TRPM3: variants seen among roughly 807,000 people sequenced by gnomAD.
TRPM3 encodes the protein transient receptor potential cation channel subfamily M member 3.
TRPM3 carries 77 observed loss-of-function variants against 181.2 expected under a neutral mutation model. That is an observed-to-expected ratio of 0.42 (90% CI 0.35 to 0.51). The LOEUF (loss-of-function observed/expected upper bound fraction) is 0.51, where lower values mean the gene tolerates loss of function less well. TRPM3 is among the 20% of genes least tolerant of loss of function. The pLI, the probability that TRPM3 is intolerant of heterozygous loss-of-function variation, is 0.01. For missense variants in TRPM3, 1,759 were observed against 2,196.7 expected (o/e 0.80, Z 3.98); for synonymous variants, 745 against 796.4 (o/e 0.94, Z 1.09).
chr9:71,438,844 T>C (rs1220703904), intron 1 of TRPM3, among the ~76,000 whole-genome samples: 1 of 152,220 alleles, frequency 6.6e-6, no homozygotes, highest in Non-Finnish European at 1.5e-5. Flanking sequence ...AAAGCTGGGT[T>C]ACAGGTTTAT....
At chr9:71,315,687 G>T (rs888112963) in intron 1 of TRPM3, among the ~76,000 whole-genome samples, 1 of 151,936 alleles carries the variant, frequency 6.6e-6, no homozygotes, top group Non-Finnish European at 1.5e-5. Flanking sequence ...AGAAATTAAG[G>T]TATTTAACTA....
In TRPM3 at chr9:71,039,403, A is replaced by C. The variant is rs534858658; in HGVS notation, c.177+81775T>G. 2.0e-5 allele frequency among the ~76,000 whole-genome samples: 3 copies of C among 152,360 alleles called. No individual in the cohort carries two copies. In the South Asian group the frequency reaches 6.2e-4, roughly 32 times the overall value. On this transcript the variant is annotated intron_variant, in intron 1 of 25. Transcript: ENST00000677713. ...CAGGTTAAAAGGTCTATGACATTTA[A>C]GTTTTAAGTCATAGTATCAGTAGAT...
At chr9:70,960,530 T>C (rs570866324) in intron 1 of TRPM3, among the ~76,000 whole-genome samples, 2 of 152,268 alleles carry the variant, frequency 1.3e-5, no homozygotes, top group South Asian at 2.1e-4. Context: ...TTTTGAAGCA[T>C]GATGATAATT....
intron 1 of TRPM3, among the ~76,000 whole-genome samples, chr9:71,338,541 T>G (rs181263846): frequency 2.8e-4 from 42 of 152,182 alleles, no homozygotes; most frequent in African/African-American, 8.4e-4. Flanking sequence ...ATGATCAATG[T>G]TAAACTACAG....
chr9:71,253,814 A>G (rs944129308), intron 1 of TRPM3, among the ~76,000 whole-genome samples: 13 of 152,200 alleles, frequency 8.5e-5, no homozygotes, highest in Non-Finnish European at 1.8e-4. Flanking sequence ...GTGTCTATCA[A>G]TGGATGAATT....
chr9:71,107,880 A>G (rs527443142), intron 1 of TRPM3, among the ~76,000 whole-genome samples: 1 of 152,304 alleles, frequency 6.6e-6, no homozygotes, highest in Non-Finnish European at 1.5e-5. Flanking sequence ...ATTACTTCCA[A>G]ACAATGTGCT....
intron 1 of TRPM3, among the ~76,000 whole-genome samples, chr9:71,195,477 TAAGGA>T (rs1359904928): frequency 2.6e-5 from 4 of 151,960 alleles, no homozygotes; most frequent in Non-Finnish European, 4.4e-5. Context: ...CCAGTGAGGT[TAAGGA>T]AAGGAAACAC....
At chr9:70,997,338 G>A (rs1199457404) in intron 1 of TRPM3, among the ~76,000 whole-genome samples, 4 of 152,130 alleles carry the variant, frequency 2.6e-5, no homozygotes, top group East Asian at 3.9e-4. Context: ...TGGGACTACA[G>A]GCTCCCGCCA....
At chr9:70,938,370 G>A (rs893655875) in intron 1 of TRPM3, among the ~76,000 whole-genome samples, 1 of 152,050 alleles carries the variant, frequency 6.6e-6, no homozygotes, top group Non-Finnish European at 1.5e-5. Flanking sequence ...GATAACTTGT[G>A]GTCATCATCT....
At chr9:71,245,527 T>C (rs1319029983) in intron 1 of TRPM3, among the ~76,000 whole-genome samples, 1 of 152,112 alleles carries the variant, frequency 6.6e-6, no homozygotes, top group Non-Finnish European at 1.5e-5. Flanking sequence ...ATGAATGCTC[T>C]TGAAGCAAGG....
chr9:70,907,727 C>A (rs1415504869), intron 1 of TRPM3, among the ~76,000 whole-genome samples: 1 of 152,166 alleles, frequency 6.6e-6, no homozygotes, highest in East Asian at 1.9e-4. Flanking sequence ...TTTCAGGATC[C>A]TCAGTGTCCA....
intron 1 of TRPM3, among the ~76,000 whole-genome samples, chr9:71,013,313 A>G (rs2097760248): frequency 6.6e-6 from 1 of 152,092 alleles, no homozygotes; most frequent in Non-Finnish European, 1.5e-5. Flanking sequence ...TAGTCATAAG[A>G]TGTTTTATGA....
chr9:70,942,314 T>C (rs2096893814), intron 1 of TRPM3, among the ~76,000 whole-genome samples: 1 of 152,202 alleles, frequency 6.6e-6, no homozygotes, highest in South Asian at 2.1e-4. Context: ...AATTAATCTT[T>C]CAGGTGCAGC....
intron 1 of TRPM3, among the ~76,000 whole-genome samples, chr9:71,196,446 T>C (rs1382024698): frequency 6.6e-6 from 1 of 151,990 alleles, no homozygotes; most frequent in Non-Finnish European, 1.5e-5. Flanking sequence ...CTCTGGTCCC[T>C]GTCCATGTGC....
intron 1 of TRPM3, among the ~76,000 whole-genome samples, chr9:70,894,514 T>G (rs1354582555): frequency 6.6e-6 from 1 of 152,198 alleles, no homozygotes; most frequent in Non-Finnish European, 1.5e-5. Context: ...GATATTTCTA[T>G]TAAACACATG....
At chr9:71,385,762 T>TG (rs1449079924) in intron 1 of TRPM3, among the ~76,000 whole-genome samples, 1 of 152,176 alleles carries the variant, frequency 6.6e-6, no homozygotes, top group Non-Finnish European at 1.5e-5. Flanking sequence ...TGGAATGCAG[T>TG]GGCACAACCT....
At chr9:70,962,556 CT>C (rs1226118425) in intron 1 of TRPM3, among the ~76,000 whole-genome samples, 1 of 152,112 alleles carries the variant, frequency 6.6e-6, no homozygotes, top group East Asian at 1.9e-4. Flanking sequence ...TAGTTTCCCC[CT>C]ATCCATGAAA....
chr9:71,210,873 T>G (rs542682090), intron 1 of TRPM3, among the ~76,000 whole-genome samples: 1 of 152,338 alleles, frequency 6.6e-6, no homozygotes, highest in Non-Finnish European at 1.5e-5. Flanking sequence ...GGACATCTTC[T>G]GGCTGTGTTC....
At chr9:71,065,873 T>C (rs76145704) in intron 1 of TRPM3, among the ~76,000 whole-genome samples, 3,302 of 152,272 alleles carry the variant, frequency 0.022, 47 homozygotes, top group Non-Finnish European at 0.031. Context: ...TGGGCATTTC[T>C]AGAGACTGAT....
Sources: allele counts gnomAD v4.1 joint callset (sites outside exome capture counted in the v4.1 genomes callset), GRCh38; gene constraint gnomAD v4.1.1; transcripts MANE v1.5; gene names NCBI Gene and HGNC (gene_info 2026-07-23, HGNC 2026-07-21).